Variants in SLC17A5 observed in about 807,000 individuals in gnomAD.
SLC17A5 encodes the protein sialin.
In SLC17A5, 47 loss-of-function variants were observed where a neutral mutation model predicts 59.4. The ratio of observed to expected loss-of-function variants is 0.79; its 90% CI spans 0.63 to 1.01. SLC17A5 has a LOEUF of 1.01. Among genes scored for constraint, SLC17A5 ranks in the 50% least tolerant of loss-of-function variants. The pLI is 0.00. For missense variants in SLC17A5, 522 were observed against 595.5 expected (o/e 0.88, Z 1.28); for synonymous variants, 202 against 210.7 (o/e 0.96, Z 0.36).
chr6:73,595,743 C>T (rs1280186293), intron 10 of SLC17A5, among the ~76,000 whole-genome samples: 1 of 151,876 alleles, frequency 6.6e-6, no homozygotes, highest in African/African-American at 2.4e-5. Context: ...GACAGAGTCT[C>T]ACTCTGTCAC....
chr6:73,629,768 A>G (rs1238723023), intron 6 of SLC17A5, among the ~76,000 whole-genome samples: 1 of 152,076 alleles, frequency 6.6e-6, no homozygotes, highest in East Asian at 1.9e-4. Flanking sequence ...AGAGAACAAG[A>G]GCGAAACTCC....
chr6:73,623,742 G>C (rs1768271921), intron 6 of SLC17A5, among the ~76,000 whole-genome samples: 1 of 150,628 alleles, frequency 6.6e-6, no homozygotes, highest in Non-Finnish European at 1.5e-5. Flanking sequence ...CTGTTGCTCA[G>C]GCTGGATTGC....
At chr6:73,616,948 G>A (rs751018205) in intron 7 of SLC17A5, among the ~76,000 whole-genome samples, 12 of 151,574 alleles carry the variant, frequency 7.9e-5, no homozygotes, top group South Asian at 4.2e-4. Flanking sequence ...CTCATTTTTC[G>A]CGTCCAATCA....
At chr6:73,636,792 G>C (rs1769026437) in intron 4 of SLC17A5, 85 bp from the exon 5 acceptor site, 2 of 999,322 alleles carry the variant, frequency 2.0e-6, no homozygotes, top group South Asian at 2.6e-5. Flanking sequence ...ACAGAGGATG[G>C]GTAACAGGCT....
At chr6:73,611,075 T>G (rs754056575) in intron 8 of SLC17A5, among the ~76,000 whole-genome samples, 6 of 152,068 alleles carry the variant, frequency 3.9e-5, no homozygotes, top group African/African-American at 7.2e-5. Context: ...AGACCCTGTC[T>G]CTACGAAATA....
intron 3 of SLC17A5, 56 bp downstream of exon 3, chr6:73,641,635 G>C (rs1408402672): frequency 7.8e-7 from 1 of 1,275,668 alleles, no homozygotes; most frequent in Non-Finnish European, 1.1e-6. Context: ...ACATCTTTAA[G>C]AAGAAGAGAA....
At chr6:73,648,601 T>C (rs1769691338) in intron 1 of SLC17A5, among the ~76,000 whole-genome samples, 1 of 152,230 alleles carries the variant, frequency 6.6e-6, no homozygotes, top group Non-Finnish European at 1.5e-5. Context: ...TTAAATGAAA[T>C]ACTGCAAGAC....
chr6:73,625,070 A>G (rs972493977), intron 6 of SLC17A5, among the ~76,000 whole-genome samples: 4 of 152,176 alleles, frequency 2.6e-5, no homozygotes, highest in Non-Finnish European at 4.4e-5. Context: ...AGTTGCTGTT[A>G]TTTTAAAAAG....
At chr6:73,623,446 G>A (rs568125257) in intron 6 of SLC17A5, among the ~76,000 whole-genome samples, 5 of 151,282 alleles carry the variant, frequency 3.3e-5, no homozygotes, top group African/African-American at 2.4e-5. Context: ...AGCAATCTCC[G>A]GCCTCAGCCC....
In SLC17A5 at chr6:73,653,912, G is replaced by T. The variant is rs755979900; in HGVS notation, c.-26C>A. Reference sequence around the variant, plus strand: ...GACGCCTACGTGAGCAGGTGTACTCGCCACCTGGCAGAGAAGGGAGCGCCG... The same window carrying T: ...GACGCCTACGTGAGCAGGTGTACTCTCCACCTGGCAGAGAAGGGAGCGCCG... On this transcript the variant is annotated 5_prime_UTR_variant, in exon 1 of 11. Transcript: ENST00000355773. 2.5e-6 allele frequency: 4 copies of T among 1,573,908 alleles called. No homozygotes were observed. Among genetic ancestry groups the T allele is most frequent in the Non-Finnish European group, 2.6e-6 (3 of 1,155,792 alleles).
chr6:73,600,283 A>T, intron 10 of SLC17A5, 68 bp downstream of exon 10: 1 of 1,172,246 alleles, frequency 8.5e-7, no homozygotes. Flanking sequence ...TAATTAAAAT[A>T]CACTGAACTT....
At position 73,653,843 on chromosome 6, in the gene SLC17A5, T is replaced by C. The variant is rs201942170; in HGVS notation, c.44A>G (p.Glu15Gly). The C allele has an allele frequency of 6.2e-6, 10 of 1,606,512 alleles. No individual in the cohort carries two copies. In the Admixed American group the frequency reaches 1.7e-4, roughly 27 times the overall value. Residue 15 changes from glutamate (E) to glycine (G), a missense_variant, in exon 1 of 11, where the codon GAG (glutamate) becomes GGG (glycine). Glu to Gly is a moderately conservative substitution (Grantham distance 98). Around this residue, in one of 3 missense-constraint regions of SLC17A5, gnomAD observed 338 missense variants for 363.8 expected, o/e 0.93. Transcript: ENST00000355773. ...TAGAAGAGGCGTGCGGTCCGTGCTCTCCTCGCCATCGTTCCGGGCCAGGTC... is the reference window on the plus strand; with the variant it reads ...TAGAAGAGGCGTGCGGTCCGTGCTCCCCTCGCCATCGTTCCGGGCCAGGTC... ...VRDLARNDGE[E>G]STDRTPLLPG...
In SLC17A5 at chr6:73,610,514, G is replaced by A. The variant is rs1330188967; in HGVS notation, c.1145C>T (p.Ala382Val). 1.2e-6 allele frequency: 2 copies of A among 1,614,138 alleles called. No homozygotes were observed. Among genetic ancestry groups the A allele is most frequent in the Non-Finnish European group, 8.5e-7 (1 of 1,180,020 alleles). The part of the protein sequence containing the change: ...MIGPAVFLVA[A>V]GFIGCDYSLA... Reference sequence around the variant, plus strand: ...AGAATAATCACAGCCAATGAAGCCAGCAGCTACCAGGAATACTGCAGGTCC... The same window carrying A: ...AGAATAATCACAGCCAATGAAGCCAACAGCTACCAGGAATACTGCAGGTCC... The change falls in exon 9 of 11, where the codon GCT (alanine) becomes GTT (valine). Residue 382 changes from alanine to valine, a missense_variant. Ala to Val is a moderately conservative substitution (Grantham distance 64). This residue lies in a region of SLC17A5 where 153 missense variants were observed against 168.5 expected (regional missense o/e 0.91). Transcript: ENST00000355773.
chr6:73,615,880 C>CTTTTTTGTTTTT (rs1561990017), intron 7 of SLC17A5, among the ~76,000 whole-genome samples: 1 of 97,580 alleles, frequency 1.0e-5, no homozygotes, highest in Non-Finnish European at 2.1e-5. Flanking sequence ...ATGAATCATT[C>CTTTTTTGTTTTT]TTTTTTTTTT....
At chr6:73,603,371 C>T (rs902420597) in intron 9 of SLC17A5, among the ~76,000 whole-genome samples, 1 of 150,692 alleles carries the variant, frequency 6.6e-6, no homozygotes, top group African/African-American at 2.4e-5. Flanking sequence ...GGATTACAGG[C>T]GTGAGCCACT....
intron 9 of SLC17A5, among the ~76,000 whole-genome samples, chr6:73,603,125 C>A (rs1428977914): frequency 1.3e-5 from 2 of 151,916 alleles, no homozygotes; most frequent in Non-Finnish European, 1.5e-5. Context: ...ATAAAATTTG[C>A]TTGTTCCATT....
chr6:73,651,156 A>T (rs573347141), intron 1 of SLC17A5, among the ~76,000 whole-genome samples: 85 of 152,300 alleles, frequency 5.6e-4, no homozygotes, highest in African/African-American at 2.0e-3. Flanking sequence ...TGATTTGAAC[A>T]CACTATAAAA....
At chr6:73,639,545 A>T (rs898453174) in intron 3 of SLC17A5, among the ~76,000 whole-genome samples, 3 of 152,198 alleles carry the variant, frequency 2.0e-5, no homozygotes, top group Non-Finnish European at 2.9e-5. Context: ...AAAACTTGAG[A>T]TGTTTGGAAA....
At chr6:73,600,471 A>T in intron 9 of SLC17A5, 30 bp from the exon 10 acceptor site, 28 of 1,329,024 alleles carry the variant, frequency 2.1e-5, no homozygotes, top group Non-Finnish European at 3.0e-5. Flanking sequence ...GACGTTTATT[A>T]TTGTGATACA....
Sources: allele counts gnomAD v4.1 joint callset (sites outside exome capture counted in the v4.1 genomes callset), GRCh38; gene constraint gnomAD v4.1.1; regional missense constraint gnomAD v4.1.1; transcripts MANE v1.5; gene names NCBI Gene and HGNC (gene_info 2026-07-23, HGNC 2026-07-21).